The following PLXDC2 variants were observed in gnomAD, a reference collection of about 807,000 sequenced individuals.
PLXDC2 encodes the protein plexin domain containing 2.
A neutral mutation model predicts 68.9 loss-of-function variants in PLXDC2; 40 were observed. The observed-to-expected ratio is 0.58, with a 90% confidence interval of 0.45 to 0.76. The LOEUF (loss-of-function observed/expected upper bound fraction) is 0.76, where lower values mean the gene tolerates loss of function less well. Ranked by LOEUF, PLXDC2 falls within the 30% of genes least tolerant of loss-of-function variation. The pLI, the probability that PLXDC2 is intolerant of heterozygous loss-of-function variation, is 0.00. For missense variants in PLXDC2, 644 were observed against 661.9 expected (o/e 0.97, Z 0.30); for synonymous variants, 243 against 234.2 (o/e 1.04, Z -0.34).
chr10:19,955,309 AGAT>A (rs1465026137), intron 1 of PLXDC2, among the ~76,000 whole-genome samples: 1 of 151,604 alleles, frequency 6.6e-6, no homozygotes, highest in East Asian at 1.9e-4. Flanking sequence ...CTGAGATGAC[AGAT>A]GTGAGCCACT....
chr10:20,204,753 G>T (rs1450381474), intron 9 of PLXDC2, among the ~76,000 whole-genome samples: 4 of 152,136 alleles, frequency 2.6e-5, no homozygotes, highest in African/African-American at 9.7e-5. Flanking sequence ...ACATTTATCT[G>T]TGTCTGTTTT....
At chr10:20,134,779 A>G in intron 4 of PLXDC2, among the ~76,000 whole-genome samples, 1 of 151,896 alleles carries the variant, frequency 6.6e-6, no homozygotes, top group East Asian at 1.9e-4. Context: ...TAGGATTGCA[A>G]GTGTTGGCCT....
rs200823056 is a variant in PLXDC2, at chr10:19,916,126, G to GTT, written c.113-85646_113-85645dup. ...GGGGAAATTATGTGGAGGGAGTTGT[G>GTT]TTTTGTTTTGTTTTTTTTTTTTAAT... On this transcript the variant is annotated intron_variant, in intron 1 of 13. Coordinates refer to ENST00000377252, the MANE Select transcript of PLXDC2 (RefSeq NM_032812.9). Among the ~76,000 whole-genome samples, 121 of 125,682 alleles carry GTT rather than the reference G, an allele frequency of 9.6e-4. 5 individuals carry two copies. The highest frequency in any genetic ancestry group is 1.2e-3 in the Non-Finnish European group (75 of 60,900). The allele number at this position is 125,682 out of a possible 152,430, so 82.5% of individuals were successfully genotyped here.
chr10:20,077,727 A>C (rs1836475979), intron 4 of PLXDC2, among the ~76,000 whole-genome samples: 1 of 152,220 alleles, frequency 6.6e-6, no homozygotes. Flanking sequence ...ATGACTCCAG[A>C]AAAATATAAA....
intron 1 of PLXDC2, among the ~76,000 whole-genome samples, chr10:19,959,806 T>C (rs1834127215): frequency 6.6e-6 from 1 of 152,154 alleles, no homozygotes; most frequent in Non-Finnish European, 1.5e-5. Flanking sequence ...TATGAAGAGT[T>C]TGTTCAACAC....
At chr10:19,883,884 C>CTTTTTTATTTTTTTTTTTTTTTT (rs1837786700) in intron 1 of PLXDC2, among the ~76,000 whole-genome samples, 1 of 55,090 alleles carries the variant, frequency 1.8e-5, no homozygotes, top group Non-Finnish European at 3.1e-5. Flanking sequence ...TCCCTTTAAA[C>CTTTTTTATTTTTTTTTTTTTTTT]TTTTTTTTTT....
At chr10:20,156,847 T>C (rs11011833) in intron 6 of PLXDC2, among the ~76,000 whole-genome samples, 36,006 of 152,154 alleles carry the variant, frequency 0.24, 5,182 homozygotes, top group East Asian at 0.51. Flanking sequence ...TTTTACATTG[T>C]CAAGTTTAAC....
chr10:19,866,052 G>A (rs1837409351), intron 1 of PLXDC2, among the ~76,000 whole-genome samples: 2 of 152,176 alleles, frequency 1.3e-5, no homozygotes, highest in African/African-American at 2.4e-5. Context: ...TGGATACATT[G>A]CAAAAAAATT....
At chr10:19,857,239 C>G (rs957638880) in intron 1 of PLXDC2, among the ~76,000 whole-genome samples, 3 of 152,148 alleles carry the variant, frequency 2.0e-5, no homozygotes, top group African/African-American at 7.2e-5. Context: ...CAGCTTCCCA[C>G]AATATAATTA....
chr10:20,189,924 A>G (rs1236662091), intron 9 of PLXDC2, among the ~76,000 whole-genome samples: 1 of 151,708 alleles, frequency 6.6e-6, no homozygotes, highest in Non-Finnish European at 1.5e-5. Context: ...CCAAACTCGG[A>G]AGAAATAGGT....
intron 9 of PLXDC2, among the ~76,000 whole-genome samples, chr10:20,200,553 A>G (rs7905459): frequency 0.21 from 31,519 of 151,874 alleles, 4,292 homozygotes; most frequent in East Asian, 0.4. Context: ...GCAACAAACG[A>G]AAAAGCTTCT....
chr10:20,011,172 T>C (rs904444096), intron 2 of PLXDC2, among the ~76,000 whole-genome samples: 6 of 152,142 alleles, frequency 3.9e-5, no homozygotes, highest in Non-Finnish European at 8.8e-5. Context: ...TCTTTATATG[T>C]TGAACGAAGG....
intron 1 of PLXDC2, among the ~76,000 whole-genome samples, chr10:19,822,289 C>CAATATATAT (rs1158841178): frequency 1.3e-5 from 2 of 149,224 alleles, no homozygotes; most frequent in Non-Finnish European, 3.0e-5. Context: ...ACTATATATG[C>CAATATATAT]AATATATATA....
intron 1 of PLXDC2, among the ~76,000 whole-genome samples, chr10:19,873,422 T>G (rs573374395): frequency 2.0e-3 from 304 of 149,530 alleles, no homozygotes; most frequent in African/African-American, 7.2e-3. Flanking sequence ...TTTTTTTTTT[T>G]TTTTTTGAAC....
intron 2 of PLXDC2, among the ~76,000 whole-genome samples, chr10:20,030,892 A>G (rs1309492226): frequency 5.3e-5 from 8 of 152,198 alleles, no homozygotes. Flanking sequence ...TGCCGTGAAG[A>G]AATGGCTCTT....
At chr10:20,021,946 C>G (rs917081969) in intron 2 of PLXDC2, among the ~76,000 whole-genome samples, 14 of 152,192 alleles carry the variant, frequency 9.2e-5, no homozygotes, top group Admixed American at 3.9e-4. Context: ...ATCCGCCCAC[C>G]TTGGCCTCCC....
intron 2 of PLXDC2, among the ~76,000 whole-genome samples, chr10:20,026,870 C>T (rs10827933): frequency 0.035 from 4,222 of 122,238 alleles, 114 homozygotes; most frequent in African/African-American, 0.11. Flanking sequence ...ATATAGAATA[C>T]ACTTTTATAA....
At chr10:20,278,021 T>C (rs150906918) in intron 13 of PLXDC2, among the ~76,000 whole-genome samples, 81 of 152,258 alleles carry the variant, frequency 5.3e-4, no homozygotes, top group African/African-American at 1.4e-3. Context: ...AATGACAGGA[T>C]CTCATTATTT....
At chr10:20,116,679 A>G (rs1833627233) in intron 4 of PLXDC2, among the ~76,000 whole-genome samples, 1 of 152,184 alleles carries the variant, frequency 6.6e-6, no homozygotes, top group South Asian at 2.1e-4. Context: ...TTCTCTCCAA[A>G]GTGTGTATGA....
Sources: allele counts gnomAD v4.1 joint callset (sites outside exome capture counted in the v4.1 genomes callset), GRCh38; gene constraint gnomAD v4.1.1; transcripts MANE v1.5; gene names NCBI Gene and HGNC (gene_info 2026-07-23, HGNC 2026-07-21).